Variants in NXPE2 observed in about 807,000 individuals in gnomAD.
NXPE2 encodes NXPE family member 2.
A neutral mutation model predicts 34.4 loss-of-function variants in NXPE2; 34 were observed. The ratio of observed to expected loss-of-function variants is 0.99; its 90% confidence interval spans 0.75 to 1.31. The LOEUF is 1.31. NXPE2 is among the 40% of genes most tolerant of loss of function. The pLI, the probability that NXPE2 is intolerant of heterozygous loss-of-function variation, is 0.00. For missense variants in NXPE2, 649 were observed against 672.5 expected (o/e 0.97, Z 0.39); for synonymous variants, 235 against 231.3 (o/e 1.02, Z -0.15).
At chr11:114,554,832 TC>T in the NXPE2 span, among the ~76,000 whole-genome samples, 524 of 152,302 alleles carry the variant, frequency 3.4e-3, 4 homozygotes, top group South Asian at 0.027. Context: ...GTTATTTTTT[TC>T]CCATTCAGGT....
chr11:114,510,322 C>A, the NXPE2 span, among the ~76,000 whole-genome samples: 1 of 152,188 alleles, frequency 6.6e-6, no homozygotes, highest in Admixed American at 6.5e-5. Flanking sequence ...CAGCCTCGAA[C>A]TCCTAGGCTT....
At chr11:114,779,647 T>C in the NXPE2 span, among the ~76,000 whole-genome samples, 11 of 152,100 alleles carry the variant, frequency 7.2e-5, no homozygotes, top group African/African-American at 2.7e-4. Context: ...TGCCCAGAGA[T>C]GGGACAGTGA....
At chr11:114,538,752 T>G in the NXPE2 span, among the ~76,000 whole-genome samples, 1 of 151,970 alleles carries the variant, frequency 6.6e-6, no homozygotes, top group East Asian at 1.9e-4. Flanking sequence ...TCACACCAGT[T>G]AGAATGGCGA....
chr11:114,772,296 C>G, the NXPE2 span, among the ~76,000 whole-genome samples: 6 of 151,970 alleles, frequency 3.9e-5, no homozygotes, highest in Non-Finnish European at 8.8e-5. Context: ...TTAACACATT[C>G]GTGGTAATTA....
the NXPE2 span, among the ~76,000 whole-genome samples, chr11:114,482,036 A>G: frequency 8.3e-6 from 1 of 121,028 alleles, no homozygotes; most frequent in Non-Finnish European, 1.7e-5. Flanking sequence ...CCACCTTTCA[A>G]CTGAAGAATG....
the NXPE2 span, among the ~76,000 whole-genome samples, chr11:114,589,289 G>T: frequency 1.3e-5 from 2 of 152,064 alleles, no homozygotes; most frequent in African/African-American, 4.8e-5. Context: ...GGCTCCAGTG[G>T]CTCAAATTCC....
chr11:114,580,090 T>C, the NXPE2 span: 3 of 1,499,574 alleles, frequency 2.0e-6, no homozygotes, highest in Non-Finnish European at 2.8e-6. Context: ...GGAAAAGAAG[T>C]TTCTGAAAGG....
chr11:114,800,936 TTAAGTTC>T, the NXPE2 span, among the ~76,000 whole-genome samples: 1 of 152,214 alleles, frequency 6.6e-6, no homozygotes, highest in African/African-American at 2.4e-5. Context: ...TTATAATCTA[TTAAGTTC>T]TAAACTATGA....
chr11:114,801,405 T>A, the NXPE2 span, among the ~76,000 whole-genome samples: 1 of 152,136 alleles, frequency 6.6e-6, no homozygotes, highest in Non-Finnish European at 1.5e-5. Flanking sequence ...GAAAGAAGAC[T>A]TAATGAAGGA....
At chr11:114,599,898 C>A in the NXPE2 span, among the ~76,000 whole-genome samples, 1 of 151,864 alleles carries the variant, frequency 6.6e-6, no homozygotes, top group Admixed American at 6.6e-5. Context: ...CAGATCCAAA[C>A]CATATCAGAA....
chr11:114,617,331 C>T, the NXPE2 span, among the ~76,000 whole-genome samples: 1 of 152,076 alleles, frequency 6.6e-6, no homozygotes, highest in Non-Finnish European at 1.5e-5. Context: ...TGGGTAACCA[C>T]TCTTACCTGG....
the NXPE2 span, among the ~76,000 whole-genome samples, chr11:114,786,458 C>T: frequency 9.3e-5 from 14 of 150,810 alleles, no homozygotes; most frequent in East Asian, 2.0e-4. Flanking sequence ...ACTCACTGAC[C>T]GGATATTTGT....
At chr11:114,556,720 C>T in the NXPE2 span, among the ~76,000 whole-genome samples, 18 of 151,852 alleles carry the variant, frequency 1.2e-4, no homozygotes, top group Non-Finnish European at 2.5e-4. Context: ...GAGTTTAATA[C>T]TGTTCTATGA....
intron 3 of NXPE2, 46 bp from the exon 4 acceptor site, chr11:114,703,945 T>A: frequency 7.5e-7 from 1 of 1,334,922 alleles, no homozygotes; most frequent in Non-Finnish European, 1.1e-6. Flanking sequence ...TCCTACTTTA[T>A]TATCTGGGCA....
chr11:114,797,836 T>C, the NXPE2 span, among the ~76,000 whole-genome samples: 354 of 152,284 alleles, frequency 2.3e-3, 7 homozygotes, highest in Admixed American at 0.019. Flanking sequence ...TAAAACAATC[T>C]TCATGTGAAG....
the NXPE2 span, among the ~76,000 whole-genome samples, chr11:114,622,809 A>T: frequency 6.6e-6 from 1 of 151,890 alleles, no homozygotes; most frequent in African/African-American, 2.4e-5. Context: ...GTATTGCCTC[A>T]TGGGTTACCA....
At chr11:114,628,316 C>T in the NXPE2 span, among the ~76,000 whole-genome samples, 1 of 151,912 alleles carries the variant, frequency 6.6e-6, no homozygotes, top group South Asian at 2.1e-4. Flanking sequence ...TTATAACAAA[C>T]TGTCTCTCAG....
At chr11:114,577,056 T>TAC in the NXPE2 span, among the ~76,000 whole-genome samples, 217 of 31,400 alleles carry the variant, frequency 6.9e-3, 3 homozygotes, top group African/African-American at 0.041. Context: ...TATATATATA[T>TAC]ACATATATAT....
At chr11:114,511,462 A>G in the NXPE2 span, among the ~76,000 whole-genome samples, 1 of 152,156 alleles carries the variant, frequency 6.6e-6, no homozygotes, top group East Asian at 1.9e-4. Flanking sequence ...GAGGTCCTTG[A>G]TGGCGTAATG....
Sources: allele counts gnomAD v4.1 joint callset (sites outside exome capture counted in the v4.1 genomes callset), GRCh38; gene constraint gnomAD v4.1.1; transcripts MANE v1.5; gene names NCBI Gene and HGNC (gene_info 2026-07-23, HGNC 2026-07-21).